Variants in PLXDC2 observed in about 807,000 individuals in gnomAD.
PLXDC2 encodes the protein plexin domain-containing protein 2.
A neutral mutation model predicts 68.9 loss-of-function variants in PLXDC2; 40 were observed. That is an observed-to-expected ratio of 0.58 (90% CI 0.45 to 0.76). The LOEUF is 0.76. Ranked by LOEUF, PLXDC2 falls within the 30% of genes least tolerant of loss-of-function variation. The pLI, the probability that PLXDC2 is intolerant of heterozygous loss-of-function variation, is 0.00. For missense variants in PLXDC2, 644 were observed against 661.9 expected (o/e 0.97, Z 0.30); for synonymous variants, 243 against 234.2 (o/e 1.04, Z -0.34).
chr10:19,863,558 T>C (rs1837357103), intron 1 of PLXDC2, among the ~76,000 whole-genome samples: 1 of 152,242 alleles, frequency 6.6e-6, no homozygotes, highest in Non-Finnish European at 1.5e-5. Context: ...CACTTCCTCA[T>C]GTGTAAGCTT....
chr10:20,034,040 A>G (rs927013712), intron 2 of PLXDC2, among the ~76,000 whole-genome samples: 1 of 152,162 alleles, frequency 6.6e-6, no homozygotes, highest in Non-Finnish European at 1.5e-5. Flanking sequence ...GACGTGAAAA[A>G]GTTGATTATG....
At chr10:20,213,536 C>CA (rs1835097457) in intron 10 of PLXDC2, among the ~76,000 whole-genome samples, 1 of 152,068 alleles carries the variant, frequency 6.6e-6, no homozygotes, top group African/African-American at 2.4e-5. Context: ...ATATTAAACT[C>CA]ACCTTGTCGA....
Position 20,245,408 on chromosome 10 carries a change from G to A in PLXDC2, c.1376G>A (p.Gly459Glu). The change falls in exon 13 of 14, where the codon GGA becomes GAA. Residue 459 changes from glycine to glutamate, a missense_variant. Coordinates refer to ENST00000377252, the MANE Select transcript of PLXDC2 (RefSeq NM_032812.9). Reference sequence around the variant, plus strand: ...ACCCTCCACGCTGGCCTCATCATTGGAATCCTCATCCTGGTCCTCATTGTA... The same window carrying A: ...ACCCTCCACGCTGGCCTCATCATTGAAATCCTCATCCTGGTCCTCATTGTA... ...GGTLHAGLII[G>E]ILILVLIVAT... 6.2e-7 allele frequency: 1 copy of A among 1,613,990 alleles called. No homozygotes were observed. The highest frequency in any genetic ancestry group is 8.5e-7 in the Non-Finnish European group (1 of 1,179,986).
At chr10:19,886,324 T>C (rs1391002811) in intron 1 of PLXDC2, among the ~76,000 whole-genome samples, 1 of 152,180 alleles carries the variant, frequency 6.6e-6, no homozygotes, top group African/African-American at 2.4e-5. Flanking sequence ...ACTTCCTCTT[T>C]TCCTGATTGA....
At chr10:20,028,188 C>T (rs1433916493) in intron 2 of PLXDC2, among the ~76,000 whole-genome samples, 1 of 152,162 alleles carries the variant, frequency 6.6e-6, no homozygotes, top group Non-Finnish European at 1.5e-5. Flanking sequence ...CTGGTCTGCA[C>T]GTTGGGATCA....
intron 4 of PLXDC2, among the ~76,000 whole-genome samples, chr10:20,126,978 T>G (rs1046372676): frequency 2.7e-5 from 4 of 150,336 alleles, no homozygotes; most frequent in African/African-American, 9.7e-5. Context: ...TATAAAACAC[T>G]AGGTTGGATG....
chr10:20,231,797 C>G (rs978599708), intron 12 of PLXDC2, among the ~76,000 whole-genome samples: 3 of 152,006 alleles, frequency 2.0e-5, no homozygotes, highest in African/African-American at 7.2e-5. Context: ...AGGAGGAGCA[C>G]TTGAGCCCAG....
At chr10:20,090,240 C>A (rs1326283768) in intron 4 of PLXDC2, among the ~76,000 whole-genome samples, 2 of 152,066 alleles carry the variant, frequency 1.3e-5, no homozygotes, top group Non-Finnish European at 1.5e-5. Context: ...TTTCAGATAC[C>A]AGGTTATTTT....
intron 1 of PLXDC2, among the ~76,000 whole-genome samples, chr10:19,890,762 T>G (rs964535825): frequency 2.7e-5 from 4 of 149,450 alleles, no homozygotes. Flanking sequence ...CATAGAATAA[T>G]TATTTAATTA....
intron 13 of PLXDC2, among the ~76,000 whole-genome samples, chr10:20,251,945 TA>T (rs200330364): frequency 2.2e-3 from 327 of 146,166 alleles, no homozygotes; most frequent in Middle Eastern, 3.5e-3. Context: ...ATTGGAGGGT[TA>T]AAAAAAAAAA....
intron 2 of PLXDC2, among the ~76,000 whole-genome samples, chr10:20,008,321 G>A (rs1029329335): frequency 6.6e-6 from 1 of 152,078 alleles, no homozygotes; most frequent in African/African-American, 2.4e-5. Context: ...TTGGGAGGCC[G>A]AGGCAGGTGG....
chr10:20,029,950 A>T (rs1424870234), intron 2 of PLXDC2, among the ~76,000 whole-genome samples: 1 of 152,208 alleles, frequency 6.6e-6, no homozygotes, highest in Admixed American at 6.5e-5. Context: ...ATGTGATCCT[A>T]GAAGAATTTA....
intron 1 of PLXDC2, among the ~76,000 whole-genome samples, chr10:19,932,023 GA>G (rs1484788473): frequency 1.3e-5 from 2 of 151,424 alleles, no homozygotes; most frequent in Non-Finnish European, 2.9e-5. Context: ...CCTGCCTGAA[GA>G]ACTTGCATGA....
At chr10:20,126,773 T>TGTTATATATGTATATAGAACACAC (rs1554768204) in intron 4 of PLXDC2, among the ~76,000 whole-genome samples, 5,500 of 10,578 alleles carry the variant, frequency 0.52, 2,096 homozygotes, top group Non-Finnish European at 0.71. Context: ...AGAACACACA[T>TGTTATATATGTATATAGAACACAC]GTTATATATG....
intron 2 of PLXDC2, among the ~76,000 whole-genome samples, chr10:20,016,498 T>C (rs757518970): frequency 1.3e-5 from 2 of 152,250 alleles, no homozygotes; most frequent in Non-Finnish European, 2.9e-5. Context: ...TGTCTAGCAG[T>C]AGATTTGTTT....
chr10:20,211,498 C>T (rs1417295293), intron 9 of PLXDC2, among the ~76,000 whole-genome samples, 171 bp from the exon 10 acceptor site: 1 of 152,020 alleles, frequency 6.6e-6, no homozygotes, highest in African/African-American at 2.4e-5. Flanking sequence ...ATTTAGCAAC[C>T]CTCTAAATAT....
chr10:20,011,884 G>T (rs996350592), intron 2 of PLXDC2, among the ~76,000 whole-genome samples: 1 of 152,232 alleles, frequency 6.6e-6, no homozygotes, highest in Non-Finnish European at 1.5e-5. Context: ...ACGAATCACA[G>T]TGAGTCTTTG....
chr10:20,236,078 G>A (rs1388828388), intron 12 of PLXDC2, among the ~76,000 whole-genome samples: 6 of 152,074 alleles, frequency 3.9e-5, no homozygotes, highest in Admixed American at 2.0e-4. Flanking sequence ...AAAACGTTGG[G>A]TACTAGGATT....
chr10:19,843,673 A>G (rs1410993348), intron 1 of PLXDC2, among the ~76,000 whole-genome samples: 1 of 152,238 alleles, frequency 6.6e-6, no homozygotes, highest in East Asian at 1.9e-4. Flanking sequence ...AGGAACAGAA[A>G]GAAAGATCCC....
Sources: gnomAD v4.1 joint callset for allele counts (sites outside exome capture counted in the v4.1 genomes callset) on GRCh38, gnomAD v4.1.1 for gene constraint, MANE v1.5 for transcripts, NCBI Gene and HGNC (gene_info 2026-07-23, HGNC 2026-07-21) for gene names.